Variants in GABBR2 observed in about 807,000 individuals in gnomAD.
The protein encoded by GABBR2 is gamma-aminobutyric acid type B receptor subunit 2.
In GABBR2, 23 loss-of-function variants were observed where a neutral mutation model predicts 105.6. The observed-to-expected ratio is 0.22, with a 90% CI of 0.16 to 0.31. The LOEUF (loss-of-function observed/expected upper bound fraction) is 0.31. GABBR2 is among the 10% of genes least tolerant of loss of function. The probability of loss-of-function intolerance (pLI) is 1.00; values close to 1 mark genes in which losing one functional copy is unlikely to be tolerated. For missense variants in GABBR2, 734 were observed against 1,245.5 expected (o/e 0.59, Z 6.18); for synonymous variants, 478 against 499.7 (o/e 0.96, Z 0.58).
chr9:98,666,622 C>A (rs1416573164), intron 1 of GABBR2, among the ~76,000 whole-genome samples: 1 of 152,154 alleles, frequency 6.6e-6, no homozygotes, highest in Non-Finnish European at 1.5e-5. Flanking sequence ...ATCCTCTGGC[C>A]TCAGCCTCCC....
At chr9:98,436,569 G>A (rs143390583) in intron 7 of GABBR2, among the ~76,000 whole-genome samples, 117 of 149,550 alleles carry the variant, frequency 7.8e-4, no homozygotes, top group African/African-American at 2.5e-3. Flanking sequence ...AGAGACTTGC[G>A]GAGGTCACCA....
intron 3 of GABBR2, among the ~76,000 whole-genome samples, chr9:98,526,326 T>C (rs773240996): frequency 1.5e-4 from 23 of 152,310 alleles, no homozygotes; most frequent in Admixed American, 8.5e-4. Context: ...CCAGTCATCA[T>C]AGCCTTCCTG....
At chr9:98,526,367 C>T (rs1299484638) in intron 3 of GABBR2, among the ~76,000 whole-genome samples, 2 of 152,106 alleles carry the variant, frequency 1.3e-5, no homozygotes, top group African/African-American at 2.4e-5. Context: ...GAGTCCCTCC[C>T]ACCTCAGGAC....
At chr9:98,681,764 T>TAA (rs34330477) in intron 1 of GABBR2, among the ~76,000 whole-genome samples, 14,538 of 151,254 alleles carry the variant, frequency 0.096, 753 homozygotes, top group Non-Finnish European at 0.11. Context: ...AAGAAAACAA[T>TAA]AAAAAAAAGA....
chr9:98,352,775 T>C (rs970515386), intron 13 of GABBR2, among the ~76,000 whole-genome samples: 3 of 152,000 alleles, frequency 2.0e-5, no homozygotes, highest in Non-Finnish European at 2.9e-5. Context: ...GTGTGGTACA[T>C]TGATGTTCTC....
chr9:98,451,617 C>G (rs7035430), intron 7 of GABBR2, among the ~76,000 whole-genome samples: 4,209 of 152,280 alleles, frequency 0.028, 210 homozygotes, highest in African/African-American at 0.096. Context: ...GGCCCCACCC[C>G]GAGAGGTTCT....
At chr9:98,603,754 T>C (rs1354403069) in intron 1 of GABBR2, among the ~76,000 whole-genome samples, 1 of 152,130 alleles carries the variant, frequency 6.6e-6, no homozygotes, top group Admixed American at 6.5e-5. Context: ...AGCTGATTAA[T>C]TTTGCAAAAC....
At chr9:98,692,002 G>A (rs1830688041) in intron 1 of GABBR2, among the ~76,000 whole-genome samples, 1 of 152,204 alleles carries the variant, frequency 6.6e-6, no homozygotes, top group African/African-American at 2.4e-5. Flanking sequence ...GAAGTCTTCA[G>A]CAGTCACTGA....
At chr9:98,679,445 T>C (rs1425399680) in intron 1 of GABBR2, among the ~76,000 whole-genome samples, 2 of 152,182 alleles carry the variant, frequency 1.3e-5, no homozygotes, top group East Asian at 3.8e-4. Context: ...CAAAAGAATA[T>C]CACTCACAAT....
chr9:98,689,614 A>G (rs189622014), intron 1 of GABBR2, among the ~76,000 whole-genome samples: 78 of 152,306 alleles, frequency 5.1e-4, no homozygotes, highest in African/African-American at 1.7e-3. Flanking sequence ...GACTGCAGAA[A>G]GCAGCTTTTG....
chr9:98,610,437 C>G (rs987941793), intron 1 of GABBR2, among the ~76,000 whole-genome samples: 2 of 152,168 alleles, frequency 1.3e-5, no homozygotes, highest in African/African-American at 2.4e-5. Context: ...TGCCCTAACT[C>G]CTGGAACTGT....
chr9:98,613,275 TA>T (rs551897136), intron 1 of GABBR2, among the ~76,000 whole-genome samples: 7 of 152,064 alleles, frequency 4.6e-5, no homozygotes, highest in Non-Finnish European at 8.8e-5. Flanking sequence ...CCAATCTCTA[TA>T]AACATTTTTA....
At chr9:98,522,303 T>G (rs1006741600) in intron 3 of GABBR2, among the ~76,000 whole-genome samples, 1 of 151,760 alleles carries the variant, frequency 6.6e-6, no homozygotes, top group Non-Finnish European at 1.5e-5. Context: ...AAAAAAGATA[T>G]CAGAACAAAA....
chr9:98,337,878 C>T (rs958179195), intron 13 of GABBR2, among the ~76,000 whole-genome samples: 6 of 152,086 alleles, frequency 3.9e-5, no homozygotes, highest in Admixed American at 2.6e-4. Context: ...AAAAATTAGC[C>T]AGGCATGGTG....
At chr9:98,298,892 G>C (rs934437755) in intron 17 of GABBR2, among the ~76,000 whole-genome samples, 3 of 152,224 alleles carry the variant, frequency 2.0e-5, no homozygotes, top group Non-Finnish European at 2.9e-5. Flanking sequence ...AGAGAAGAAA[G>C]GGTAAACTAT....
intron 1 of GABBR2, among the ~76,000 whole-genome samples, chr9:98,705,778 TA>T (rs771877078): frequency 3.3e-5 from 5 of 151,962 alleles, no homozygotes; most frequent in Non-Finnish European, 7.4e-5. Context: ...TCACAGGAAA[TA>T]AAAATGAAGG....
At chr9:98,581,529 G>C (rs543242681) in intron 1 of GABBR2, among the ~76,000 whole-genome samples, 29 of 140,070 alleles carry the variant, frequency 2.1e-4, no homozygotes, top group Non-Finnish European at 3.5e-4. Context: ...GAGACAGGGA[G>C]GGAGGGAGGA....
intron 1 of GABBR2, among the ~76,000 whole-genome samples, chr9:98,614,727 C>T (rs1193037897): frequency 1.4e-5 from 2 of 147,126 alleles, no homozygotes; most frequent in African/African-American, 5.0e-5. Context: ...GCTGTTGTTT[C>T]TGTGGAGGGA....
At chr9:98,627,909 T>A (rs1422922568) in intron 1 of GABBR2, among the ~76,000 whole-genome samples, 2 of 151,948 alleles carry the variant, frequency 1.3e-5, no homozygotes, top group African/African-American at 4.8e-5. Context: ...GAGCCTGGAG[T>A]CTTAAATTGG....
Sources: gnomAD v4.1 joint callset for allele counts (sites outside exome capture counted in the v4.1 genomes callset) on GRCh38, gnomAD v4.1.1 for gene constraint, MANE v1.5 for transcripts, NCBI Gene and HGNC (gene_info 2026-07-23, HGNC 2026-07-21) for gene names.